The following GABBR2 variants were observed in gnomAD, a reference collection of about 807,000 sequenced individuals.
The protein encoded by GABBR2 is gamma-aminobutyric acid type B receptor subunit 2, also known as G-protein coupled receptor 51.
In GABBR2, 23 loss-of-function variants were observed where a neutral mutation model predicts 105.6. That is an observed-to-expected ratio of 0.22 (90% CI 0.16 to 0.31). GABBR2 has a LOEUF of 0.31. Ranked by LOEUF, GABBR2 falls within the 10% of genes least tolerant of loss-of-function variation. GABBR2 has a pLI of 1.00. For synonymous variants in GABBR2, 478 were observed against 499.7 expected (o/e 0.96, Z 0.58); for missense variants, 734 against 1,245.5 (o/e 0.59, Z 6.18).
intron 1 of GABBR2, among the ~76,000 whole-genome samples, chr9:98,671,774 C>A (rs555402006): frequency 5.3e-4 from 81 of 152,284 alleles, no homozygotes; most frequent in Admixed American, 8.5e-4. Context: ...TACAATCAGA[C>A]TTTTGAACAG....
intron 2 of GABBR2, among the ~76,000 whole-genome samples, chr9:98,576,967 G>A (rs1211010634): frequency 6.6e-6 from 1 of 150,714 alleles, no homozygotes; most frequent in East Asian, 2.0e-4. Flanking sequence ...TGAATGGGTG[G>A]GTGGATGTAT....
chr9:98,641,661 A>G (rs971427411), intron 1 of GABBR2, among the ~76,000 whole-genome samples: 4 of 152,150 alleles, frequency 2.6e-5, no homozygotes, highest in Admixed American at 6.5e-5. Context: ...TATTGATTGC[A>G]CAGGTTTTGA....
chr9:98,462,023 G>A (rs1177868639), intron 6 of GABBR2, among the ~76,000 whole-genome samples: 1 of 152,170 alleles, frequency 6.6e-6, no homozygotes, highest in African/African-American at 2.4e-5. Context: ...CCAACATTGG[G>A]AATTACATTT....
At chr9:98,683,708 G>A (rs914856923) in intron 1 of GABBR2, among the ~76,000 whole-genome samples, 9 of 151,804 alleles carry the variant, frequency 5.9e-5, no homozygotes, top group South Asian at 2.1e-4. Flanking sequence ...CTGCATGTTC[G>A]ACAACAGAAA....
intron 1 of GABBR2, among the ~76,000 whole-genome samples, chr9:98,594,623 G>A (rs759841602): frequency 8.5e-5 from 13 of 152,160 alleles, no homozygotes; most frequent in Admixed American, 2.0e-4. Flanking sequence ...GAAGCCCCTC[G>A]GCAGGACCCC....
intron 7 of GABBR2, among the ~76,000 whole-genome samples, chr9:98,418,337 A>C (rs1190168030): frequency 6.6e-6 from 1 of 152,064 alleles, no homozygotes; most frequent in East Asian, 1.9e-4. Flanking sequence ...GGAGTTCAAG[A>C]CCAGGCTAGG....
chr9:98,553,358 C>A (rs1317168403), intron 2 of GABBR2, among the ~76,000 whole-genome samples: 1 of 151,970 alleles, frequency 6.6e-6, no homozygotes, highest in Admixed American at 6.6e-5. Context: ...CTTTGGGAGG[C>A]CGAGGCAGGA....
chr9:98,426,193 C>T (rs578193594), intron 7 of GABBR2, among the ~76,000 whole-genome samples: 2 of 152,286 alleles, frequency 1.3e-5, no homozygotes, highest in African/African-American at 2.4e-5. Context: ...ATCCCCTTTA[C>T]GGGTCATGCT....
chr9:98,559,002 T>C (rs184131479), intron 2 of GABBR2, among the ~76,000 whole-genome samples: 5 of 152,386 alleles, frequency 3.3e-5, no homozygotes, highest in African/African-American at 9.6e-5. Flanking sequence ...TGGTTTTTTT[T>C]CTTAGTCTTT....
chr9:98,500,176 T>C (rs1411939230), intron 3 of GABBR2, among the ~76,000 whole-genome samples: 1 of 152,266 alleles, frequency 6.6e-6, no homozygotes, highest in Non-Finnish European at 1.5e-5. Context: ...AAAATAGAAG[T>C]ACATTCTTCT....
intron 1 of GABBR2, among the ~76,000 whole-genome samples, chr9:98,697,404 T>C (rs908364125): frequency 6.7e-6 from 1 of 150,046 alleles, no homozygotes; most frequent in Non-Finnish European, 1.5e-5. Context: ...GGCAGGAGAA[T>C]GGCGTGAACA....
At chr9:98,461,666 G>A (rs941165274) in intron 6 of GABBR2, among the ~76,000 whole-genome samples, 13 of 152,118 alleles carry the variant, frequency 8.5e-5, no homozygotes, top group African/African-American at 2.7e-4. Flanking sequence ...GTATTAGGCC[G>A]TTCTTGCATT....
intron 13 of GABBR2, among the ~76,000 whole-genome samples, chr9:98,327,831 T>C (rs962880975): frequency 1.3e-5 from 2 of 151,026 alleles, no homozygotes; most frequent in Non-Finnish European, 1.5e-5. Flanking sequence ...ATTGCGCCAC[T>C]GCACTCCAGC....
chr9:98,367,868 G>A (rs1831709488), intron 12 of GABBR2, among the ~76,000 whole-genome samples: 1 of 152,096 alleles, frequency 6.6e-6, no homozygotes, highest in African/African-American at 2.4e-5. Context: ...TCAAAAATGG[G>A]CTCTTCTTCA....
chr9:98,566,374 G>A (rs1157438216), intron 2 of GABBR2, among the ~76,000 whole-genome samples: 1 of 152,174 alleles, frequency 6.6e-6, no homozygotes, highest in Non-Finnish European at 1.5e-5. Flanking sequence ...CAGGAATGAT[G>A]TTTTAAGAAT....
intron 2 of GABBR2, among the ~76,000 whole-genome samples, chr9:98,559,135 TATTTTA>T (rs1321264846): frequency 6.6e-6 from 1 of 152,176 alleles, no homozygotes; most frequent in Non-Finnish European, 1.5e-5. Context: ...AATTTATTTT[TATTTTA>T]TTTATTGAGA....
At chr9:98,620,247 T>TCTCTC (rs1829649692) in intron 1 of GABBR2, among the ~76,000 whole-genome samples, 2 of 146,618 alleles carry the variant, frequency 1.4e-5, no homozygotes, top group East Asian at 4.1e-4. Flanking sequence ...TTTTCTCTCT[T>TCTCTC]TCTCTCTCTC....
intron 1 of GABBR2, among the ~76,000 whole-genome samples, chr9:98,625,684 T>C (rs1164774353): frequency 6.6e-6 from 1 of 152,232 alleles, no homozygotes; most frequent in Non-Finnish European, 1.5e-5. Context: ...ACAGCTATGA[T>C]GTCAGAGGTT....
At chr9:98,612,848 C>T (rs1257346569) in intron 1 of GABBR2, among the ~76,000 whole-genome samples, 1 of 152,064 alleles carries the variant, frequency 6.6e-6, no homozygotes, top group African/African-American at 2.4e-5. Flanking sequence ...ATAGCACGCC[C>T]AAGTAAAGGC....
Sources: allele counts gnomAD v4.1 joint callset (sites outside exome capture counted in the v4.1 genomes callset), GRCh38; gene constraint gnomAD v4.1.1; transcripts MANE v1.5; gene names NCBI Gene and HGNC (gene_info 2026-07-23, HGNC 2026-07-21).